The following CACHD1 variants were observed in gnomAD, a reference collection of about 807,000 sequenced individuals.
The protein encoded by CACHD1 is cache domain containing 1.
In CACHD1, 71 loss-of-function variants were observed where a neutral mutation model predicts 138.7. The observed-to-expected ratio is 0.51, with a 90% CI of 0.42 to 0.62. The LOEUF (loss-of-function observed/expected upper bound fraction) is 0.62, where lower values mean the gene tolerates loss of function less well. CACHD1 is among the 20% of genes least tolerant of loss of function. CACHD1 has a pLI of 0.00. For missense variants in CACHD1, 1,389 were observed against 1,625.3 expected, an observed-to-expected ratio of 0.85 and a Z score of 2.50; for synonymous variants, 578 against 591.5, an observed-to-expected ratio of 0.98 and a Z score of 0.33.
chr1:64,654,302 A>G (rs910269756), intron 11 of CACHD1, among the ~76,000 whole-genome samples: 2 of 152,218 alleles, frequency 1.3e-5, no homozygotes, highest in African/African-American at 4.8e-5. Flanking sequence ...GCACAATCTT[A>G]TACATTGTTT....
At chr1:64,636,662 C>T (rs7548950) in intron 7 of CACHD1, among the ~76,000 whole-genome samples, 149,365 of 152,298 alleles carry the variant, frequency 0.98, 73,335 homozygotes, top group East Asian at 1. Context: ...CTTCAAATCC[C>T]TGGCTTCAGA....
intron 1 of CACHD1, among the ~76,000 whole-genome samples, chr1:64,541,685 A>C (rs1469441506): frequency 6.6e-6 from 1 of 152,184 alleles, no homozygotes; most frequent in Non-Finnish European, 1.5e-5. Flanking sequence ...AACAAAAATT[A>C]GCTAGGCGTG....
At chr1:64,512,994 C>A (rs1646433927) in intron 1 of CACHD1, among the ~76,000 whole-genome samples, 1 of 152,186 alleles carries the variant, frequency 6.6e-6, no homozygotes, top group African/African-American at 2.4e-5. Flanking sequence ...TTTTTCCATT[C>A]TCCATTTCTA....
Position 64,685,708 on chromosome 1 carries a change from C to T in CACHD1, c.3586+3602C>T, listed in dbSNP as rs28615112. Among the ~76,000 whole-genome samples the T allele has an allele frequency of 8.2e-3, 1,244 of 152,004 alleles. 15 individuals carry two copies. Among genetic ancestry groups the T allele is most frequent in the African/African-American group, 0.028 (1,173 of 41,432 alleles). The stretch of plus-strand genomic sequence containing the variant: ...AAAAAATTAGCCAGGCATGGTGGTA[C>T]GTGCCTGTAGTCCCAGCTACTCGGG... On this transcript the variant is annotated intron_variant, in intron 26 of 26. Coordinates refer to ENST00000651257, the MANE Select transcript of CACHD1 (RefSeq NM_020925.4).
Position 64,601,879 on chromosome 1 carries a change from A to G in CACHD1, c.411-927A>G, listed in dbSNP as rs150811142. Reference sequence around the variant, plus strand: ...ATGTGAGGATCTCTTAGAAACTTTGAGAGTCCTCTCAGGGTCTGAAATCCT... The same window carrying G: ...ATGTGAGGATCTCTTAGAAACTTTGGGAGTCCTCTCAGGGTCTGAAATCCT... On this transcript the variant is annotated intron_variant, in intron 3 of 26. Transcript: ENST00000651257. Among the ~76,000 whole-genome samples the G allele has an allele frequency of 4.8e-3, 736 of 152,348 alleles. 3 individuals carry two copies. Among genetic ancestry groups the G allele is most frequent in the Non-Finnish European group, 8.0e-3 (543 of 68,020 alleles).
rs753686701 is a variant in CACHD1, at chr1:64,582,248, A to G, written c.354A>G (p.Leu118=). The change falls in exon 3 of 27, where the codon CTA becomes CTG. Residue 118 remains leucine, a synonymous_variant. Coordinates refer to ENST00000651257, the MANE Select transcript of CACHD1 (RefSeq NM_020925.4). Reference sequence around the variant, plus strand: ...TAGAAGCATCCTATACGGCTCACCTAACCTCTCCCCTAACTGCAATTCAAG... The same window carrying G: ...TAGAAGCATCCTATACGGCTCACCTGACCTCTCCCCTAACTGCAATTCAAG... ...QVVEASYTAH[L]TSPLTAIQDC... 1.9e-6 allele frequency: 3 copies of G among 1,613,982 alleles called. No individual in the cohort carries two copies. The highest frequency in any genetic ancestry group is 2.5e-6 in the Non-Finnish European group (3 of 1,179,858).
intron 3 of CACHD1, among the ~76,000 whole-genome samples, chr1:64,584,052 A>G (rs1287181931): frequency 6.6e-6 from 1 of 152,188 alleles, no homozygotes; most frequent in Non-Finnish European, 1.5e-5. Flanking sequence ...AAATAAAATG[A>G]GGGTCCAGTT....
At chr1:64,677,134 A>C in intron 22 of CACHD1, 123 bp downstream of exon 22, 1 of 736,620 alleles carries the variant, frequency 1.4e-6, no homozygotes, top group East Asian at 2.8e-5. Context: ...GCCTTTACCC[A>C]CCAGATTAAA....
In CACHD1 at chr1:64,566,592, T is replaced by A. The variant is rs2100498754; in HGVS notation, c.262-15564T>A. On this transcript the variant is annotated intron_variant, in intron 2 of 26. Coordinates refer to ENST00000651257, the MANE Select transcript of CACHD1 (RefSeq NM_020925.4). ...CTAGCAATTCCTCTTATTTGTTTGG[T>A]ATATTGAAGGTTAGTATGAGGCTTT... is the stretch of plus-strand genomic sequence containing the variant. Among the ~76,000 whole-genome samples the A allele has an allele frequency of 2.1e-5, 3 of 143,200 alleles. No individual in the cohort carries two copies. In the South Asian group the frequency reaches 7.0e-4, roughly 33 times the overall value. 93.9% of individuals were successfully genotyped at this position (143,200 alleles called of 152,430 possible).
intron 26 of CACHD1, among the ~76,000 whole-genome samples, chr1:64,690,639 T>C (rs1490810766): frequency 6.6e-6 from 1 of 152,210 alleles, no homozygotes; most frequent in Non-Finnish European, 1.5e-5. Flanking sequence ...AGTGTTTCAT[T>C]AGGCACTAGA....
In CACHD1 at chr1:64,691,681, G is replaced by C. The variant is rs1650564742; in HGVS notation, c.*120G>C. On this transcript the variant is annotated 3_prime_UTR_variant, in exon 27 of 27. Transcript: ENST00000651257. ...CCCTTGTGTTTGTGCTTTGTGCAGA[G>C]TTGTTTGAGTCATTTCCTGCCTGTC... 1.2e-6 allele frequency: 1 copy of C among 822,044 alleles called. No individual in the cohort carries two copies. Among genetic ancestry groups the C allele is most frequent in the South Asian group, 1.7e-5 (1 of 58,398 alleles). 50.9% of individuals were successfully genotyped at this position (822,044 alleles called of 1,614,324 possible).
intron 2 of CACHD1, among the ~76,000 whole-genome samples, chr1:64,567,588 A>G (rs981013983): frequency 6.6e-6 from 1 of 152,146 alleles, no homozygotes; most frequent in Admixed American, 6.6e-5. Flanking sequence ...ACATTAAGTA[A>G]TTTCCTAGAA....
chr1:64,646,238 AG>A lies in CACHD1; in HGVS notation c.1157-1561del, dbSNP rs112740956. Among the ~76,000 whole-genome samples the A allele has an allele frequency of 9.6e-3, 1,462 of 152,274 alleles. 21 individuals carry two copies. The highest frequency in any genetic ancestry group is 0.033 in the African/African-American group (1,368 of 41,556). On this transcript the variant is annotated intron_variant, in intron 8 of 26. Transcript: ENST00000651257. Reference sequence around the variant, plus strand: ...CTTCTGTGAGCTTCTCAAGGATATAAGGTCAGGTACCAATCGTGTCTTTGGT... The same window carrying A: ...CTTCTGTGAGCTTCTCAAGGATATAAGTCAGGTACCAATCGTGTCTTTGGT...
intron 1 of CACHD1, among the ~76,000 whole-genome samples, chr1:64,512,876 A>G (rs558949863): frequency 9.8e-4 from 150 of 152,312 alleles, no homozygotes; most frequent in African/African-American, 3.4e-3. Context: ...GGACTCTTTC[A>G]TTATCAGGTA....
chr1:64,586,305 C>A (rs12081746), intron 3 of CACHD1, among the ~76,000 whole-genome samples: 2,307 of 152,296 alleles, frequency 0.015, 70 homozygotes, highest in African/African-American at 0.053. Flanking sequence ...CTCAGGTGAT[C>A]CACCCACCTT....
At chr1:64,562,896 G>C (rs1034130126) in intron 2 of CACHD1, among the ~76,000 whole-genome samples, 4 of 152,066 alleles carry the variant, frequency 2.6e-5, no homozygotes, top group African/African-American at 9.7e-5. Context: ...TTTTTCTTGA[G>C]AATTGGTCAC....
chr1:64,638,234 T>C (rs2100652780), intron 7 of CACHD1, among the ~76,000 whole-genome samples: 1 of 152,318 alleles, frequency 6.6e-6, no homozygotes, highest in African/African-American at 2.4e-5. Flanking sequence ...TCACTATTTC[T>C]CTTCACTCTA....
intron 1 of CACHD1, among the ~76,000 whole-genome samples, chr1:64,538,063 G>A (rs1000806792): frequency 2.0e-5 from 3 of 152,160 alleles, no homozygotes; most frequent in Non-Finnish European, 4.4e-5. Context: ...GAGAGTCATG[G>A]CATGTGGTGC....
intron 4 of CACHD1, among the ~76,000 whole-genome samples, chr1:64,617,775 C>CA (rs1647764868): frequency 6.6e-6 from 1 of 152,158 alleles, no homozygotes. Context: ...AGAATATCCT[C>CA]AGCTTAGAAA....
Sources: gnomAD v4.1 joint callset for allele counts (sites outside exome capture counted in the v4.1 genomes callset) on GRCh38, gnomAD v4.1.1 for gene constraint, MANE v1.5 for transcripts, NCBI Gene and HGNC (gene_info 2026-07-23, HGNC 2026-07-21) for gene names.